The following SENP5 variants were observed in gnomAD, a reference collection of about 807,000 sequenced individuals.
SENP5 encodes the protein sentrin-specific protease 5.
A neutral mutation model predicts 74.2 loss-of-function variants in SENP5; 21 were observed. That is an observed-to-expected ratio of 0.28 (90% confidence interval 0.20 to 0.41). The LOEUF (loss-of-function observed/expected upper bound fraction) is 0.41. Among genes scored for constraint, SENP5 ranks in the 10% least tolerant of loss-of-function variants. SENP5 has a pLI of 1.00. For synonymous variants in SENP5, 311 were observed against 312.7 expected, an observed-to-expected ratio of 0.99 and a Z score of 0.06; for missense variants, 717 against 889.1, an observed-to-expected ratio of 0.81 and a Z score of 2.46.
chr3:196,920,659 C>T (rs1715580142), intron 6 of SENP5, among the ~76,000 whole-genome samples: 1 of 152,138 alleles, frequency 6.6e-6, no homozygotes, highest in Non-Finnish European at 1.5e-5. Context: ...GTAGGCTTTC[C>T]TATTATTCCT....
chr3:196,917,600 C>G (rs1715435228), intron 6 of SENP5, among the ~76,000 whole-genome samples: 1 of 152,070 alleles, frequency 6.6e-6, no homozygotes, highest in African/African-American at 2.4e-5. Flanking sequence ...TGAAGGAGCT[C>G]CAATACATCT....
In SENP5 at chr3:196,899,712, C is replaced by A; in HGVS notation, c.1560C>A (p.Leu520=). The change falls in exon 3 of 10, where the codon CTC becomes CTA. Residue 520 remains leucine (L), a synonymous_variant. Coordinates refer to ENST00000323460, the MANE Select transcript of SENP5 (RefSeq NM_152699.5). Reference sequence around the variant, plus strand: ...AGAAGTATGGCAGTTTGGTTCCACTCAGTGAAAAAGAAGTCCTTGGAAGAT... The same window carrying A: ...AGAAGTATGGCAGTTTGGTTCCACTAAGTGAAAAAGAAGTCCTTGGAAGAT... ...VMKKYGSLVP[L]SEKEVLGRLK... The A allele has an allele frequency of 6.2e-7, 1 of 1,610,920 alleles. No homozygotes were observed. Among genetic ancestry groups the A allele is most frequent in the South Asian group, 1.1e-5 (1 of 91,000 alleles).
chr3:196,924,321 G>A (rs970421057), intron 7 of SENP5, among the ~76,000 whole-genome samples: 4 of 152,158 alleles, frequency 2.6e-5, no homozygotes. Context: ...CAGACTTGGA[G>A]AAAATATGTA....
intron 6 of SENP5, chr3:196,904,926 T>G (rs1423570590): frequency 6.6e-6 from 1 of 152,180 alleles, no homozygotes; most frequent in East Asian, 1.9e-4. Context: ...ATCATTTATT[T>G]ATTGATTTAT....
chr3:196,901,002 G>A (rs1714679074), intron 5 of SENP5, among the ~76,000 whole-genome samples: 1 of 151,534 alleles, frequency 6.6e-6, no homozygotes, highest in Non-Finnish European at 1.5e-5. Flanking sequence ...GTGGGGAGAT[G>A]TGCAAAAGGG....
intron 2 of SENP5, among the ~76,000 whole-genome samples, chr3:196,898,178 T>TAAAA (rs59960385): frequency 7.0e-5 from 10 of 143,326 alleles, no homozygotes; most frequent in Non-Finnish European, 1.2e-4. Context: ...GGCTTTGTCT[T>TAAAA]AAAAAAAAAG....
At chr3:196,898,731 G>A (rs753040761) in intron 2 of SENP5, among the ~76,000 whole-genome samples, 11 of 151,952 alleles carry the variant, frequency 7.2e-5, no homozygotes, top group Non-Finnish European at 1.3e-4. Flanking sequence ...TGGCTAACAC[G>A]GTGAAACCCC....
At chr3:196,895,047 T>C (rs983959777) in intron 2 of SENP5, among the ~76,000 whole-genome samples, 1 of 152,222 alleles carries the variant, frequency 6.6e-6, no homozygotes, top group Non-Finnish European at 1.5e-5. Flanking sequence ...TGTGTTTTGT[T>C]GGAGAACCAT....
chr3:196,919,590 T>C (rs983246038), intron 6 of SENP5, among the ~76,000 whole-genome samples: 2 of 152,118 alleles, frequency 1.3e-5, no homozygotes, highest in African/African-American at 4.8e-5. Context: ...GGTCAGGTGT[T>C]CAAGACCAGC....
chr3:196,932,888 G>T lies in SENP5; in HGVS notation c.*1965G>T, dbSNP rs1022084924. 1 of 151,628 alleles carries T rather than the reference G, an allele frequency of 6.6e-6. No individual in the cohort carries two copies. Among genetic ancestry groups the T allele is most frequent in the Non-Finnish European group, 1.5e-5 (1 of 67,978 alleles). The allele number at this position is 151,628 out of a possible 1,614,324, so 9.4% of individuals were successfully genotyped here. The stretch of plus-strand genomic sequence containing the variant: ...ATGCAGAAGAGACAGAATTGTTCCT[G>T]TAAGAAAATCAACGCCGAGAGAGAG... On this transcript the variant is annotated 3_prime_UTR_variant, in exon 10 of 10. Transcript: ENST00000323460.
chr3:196,928,978 C>A (rs1339478819), intron 8 of SENP5, among the ~76,000 whole-genome samples: 3 of 152,086 alleles, frequency 2.0e-5, no homozygotes, highest in African/African-American at 7.2e-5. Flanking sequence ...TTGCGTGAGT[C>A]TAGGAGTTCA....
intron 1 of SENP5, among the ~76,000 whole-genome samples, chr3:196,871,160 ACT>A (rs951385524): frequency 6.6e-6 from 1 of 151,518 alleles, no homozygotes; most frequent in Non-Finnish European, 1.5e-5. Context: ...ACAGGGTGAG[ACT>A]CTGTCTCAGA....
intron 6 of SENP5, among the ~76,000 whole-genome samples, chr3:196,915,093 TG>T (rs1715318028): frequency 6.6e-6 from 1 of 152,232 alleles, no homozygotes; most frequent in Non-Finnish European, 1.5e-5. Flanking sequence ...GAACCTGAGT[TG>T]CAGCTAGTTC....
rs567632492 is a variant in SENP5 at position 196,918,046 on chromosome 3, A to G, written c.1885-5368A>G. Among the ~76,000 whole-genome samples, 132 of 149,334 alleles carry G rather than the reference A, an allele frequency of 8.8e-4. 1 individual carries two copies. The highest frequency in any genetic ancestry group is 2.4e-3 in the African/African-American group (93 of 39,202). On this transcript the variant is annotated intron_variant, in intron 6 of 9. Transcript: ENST00000323460. ...AAACAATGGCCGGGCACGGTGGCTC[A>G]CACCTGTAATCCCAGCACTTTGGGA... is the stretch of plus-strand genomic sequence containing the variant.
chr3:196,894,641 A>T (rs1032757513), intron 2 of SENP5, among the ~76,000 whole-genome samples: 1 of 152,034 alleles, frequency 6.6e-6, no homozygotes, highest in Admixed American at 6.6e-5. Flanking sequence ...GTGGTTCAGA[A>T]ATGCAACCTA....
At position 196,900,523 on chromosome 3, in the gene SENP5, AAAG is replaced by A. The variant is rs1275120835; in HGVS notation, c.1806+116_1806+118del. ...TATCTGACATTCCTTAAATTTTTTA[AAAG>A]AAGAGTTCAATTTTTTCTTGATCAT... On this transcript the variant is annotated intron_variant, in intron 5 of 9. Transcript: ENST00000323460. The A allele has an allele frequency of 1.3e-5, 11 of 846,966 alleles. No individual in the cohort carries two copies. The Admixed American group carries it at 2.3e-4, about 18-fold the overall frequency. The allele number at this position is 846,966 out of a possible 1,614,324, so 52.5% of individuals were successfully genotyped here.
chr3:196,878,632 C>T (rs940413246), intron 1 of SENP5, among the ~76,000 whole-genome samples: 4 of 152,092 alleles, frequency 2.6e-5, no homozygotes, highest in Non-Finnish European at 5.9e-5. Flanking sequence ...CTTCCTGTCA[C>T]CCAGGCCAGA....
At chr3:196,918,873 C>G (rs761876845) in intron 6 of SENP5, among the ~76,000 whole-genome samples, 10 of 152,022 alleles carry the variant, frequency 6.6e-5, no homozygotes, top group Non-Finnish European at 1.2e-4. Flanking sequence ...AGTAGCTATA[C>G]TTAATGTCAG....
chr3:196,911,333 A>G (rs1715116161), intron 6 of SENP5, among the ~76,000 whole-genome samples: 1 of 152,228 alleles, frequency 6.6e-6, no homozygotes, highest in Admixed American at 6.5e-5. Context: ...TCTAATATCC[A>G]GAATCTACAA....
Sources: allele counts gnomAD v4.1 joint callset (sites outside exome capture counted in the v4.1 genomes callset), GRCh38; gene constraint gnomAD v4.1.1; transcripts MANE v1.5; gene names NCBI Gene and HGNC (gene_info 2026-07-23, HGNC 2026-07-21).